The following CALCR variants were observed in gnomAD, a reference collection of about 807,000 sequenced individuals.
The protein encoded by CALCR is calcitonin receptor.
A neutral mutation model predicts 59.5 loss-of-function variants in CALCR; 47 were observed. That is an observed-to-expected ratio of 0.79 (90% CI 0.63 to 1.01). CALCR has a LOEUF of 1.01. Ranked by LOEUF, CALCR falls within the 50% of genes least tolerant of loss-of-function variation. The probability of loss-of-function intolerance (pLI) is 0.00; values close to 1 mark genes in which losing one functional copy is unlikely to be tolerated. For synonymous variants in CALCR, 213 were observed against 211.3 expected (o/e 1.01, Z -0.07); for missense variants, 566 against 597.1 (o/e 0.95, Z 0.54).
chr7:93,488,582 G>GAAAAAAA (rs1554401502), intron 2 of CALCR, among the ~76,000 whole-genome samples: 42 of 78,010 alleles, frequency 5.4e-4, no homozygotes, highest in African/African-American at 1.6e-3. Flanking sequence ...CAAATGGAAA[G>GAAAAAAA]AAAAAAAAAA....
intron 2 of CALCR, among the ~76,000 whole-genome samples, chr7:93,554,232 T>C (rs1789535630): frequency 6.6e-6 from 1 of 152,240 alleles, no homozygotes; most frequent in South Asian, 2.1e-4. Flanking sequence ...AAAATTAGTG[T>C]ATAAAATATG....
At chr7:93,497,703 GAGA>G (rs1801239556) in intron 2 of CALCR, among the ~76,000 whole-genome samples, 1 of 151,534 alleles carries the variant, frequency 6.6e-6, no homozygotes, top group Non-Finnish European at 1.5e-5. Flanking sequence ...TATAAATGAG[GAGA>G]AGATCTAACA....
intron 8 of CALCR, among the ~76,000 whole-genome samples, chr7:93,460,593 G>GTATATATATATATATATA (rs368578654): frequency 1.1e-5 from 1 of 89,354 alleles, no homozygotes; most frequent in African/African-American, 5.3e-5. Flanking sequence ...ATATATATAT[G>GTATATATATATATATATA]TATATATATA....
intron 2 of CALCR, among the ~76,000 whole-genome samples, chr7:93,557,941 T>G (rs891974334): frequency 6.6e-6 from 1 of 152,130 alleles, no homozygotes; most frequent in Middle Eastern, 3.4e-3. Context: ...AGCAAGACCC[T>G]AACTCTTTTT....
At position 93,544,001 on chromosome 7, in the gene CALCR, AC is replaced by A. The variant is rs148883926; in HGVS notation, c.-27+30287del. 4.6e-3 allele frequency among the ~76,000 whole-genome samples: 696 copies of A among 152,250 alleles called. 4 individuals are homozygous for A. Among genetic ancestry groups the A allele is most frequent in the African/African-American group, 0.016 (657 of 41,552 alleles). On this transcript the variant is annotated intron_variant, in intron 2 of 13. Transcript: ENST00000426151. Reference sequence around the variant, plus strand: ...AAGTAAACAAGACATAAACTGCTTAACATACAAACAAAATAAAAAAGCAGAA... The same window carrying A: ...AAGTAAACAAGACATAAACTGCTTAAATACAAACAAAATAAAAAAGCAGAA...
intron 13 of CALCR, among the ~76,000 whole-genome samples, chr7:93,429,239 T>C (rs555288405): frequency 6.6e-5 from 10 of 152,200 alleles, no homozygotes; most frequent in Non-Finnish European, 1.0e-4. Flanking sequence ...TAAGGGCAAT[T>C]ATCTCCTACA....
chr7:93,499,569 A>G (rs1316247878), intron 2 of CALCR, among the ~76,000 whole-genome samples: 1 of 151,836 alleles, frequency 6.6e-6, no homozygotes, highest in Non-Finnish European at 1.5e-5. Flanking sequence ...TAGCAGAAAA[A>G]GCTGCAGTAA....
At chr7:93,475,619 G>A (rs1800650941) in intron 5 of CALCR, among the ~76,000 whole-genome samples, 1 of 151,652 alleles carries the variant, frequency 6.6e-6, no homozygotes, top group Non-Finnish European at 1.5e-5. Flanking sequence ...TATATTGTAT[G>A]CAGAGAGATA....
intron 2 of CALCR, among the ~76,000 whole-genome samples, chr7:93,556,623 A>T (rs1173837805): frequency 6.6e-6 from 1 of 152,050 alleles, no homozygotes; most frequent in Non-Finnish European, 1.5e-5. Flanking sequence ...GCACATAGGC[A>T]TGTGTAGAAT....
At chr7:93,441,013 T>G (rs916543749) in intron 9 of CALCR, among the ~76,000 whole-genome samples, 1 of 152,136 alleles carries the variant, frequency 6.6e-6, no homozygotes, top group Non-Finnish European at 1.5e-5. Context: ...CTTGTTCCTT[T>G]TTTCCTTTGA....
chr7:93,483,438 TAGATAGATAGATAGATAGACAGAC>T (rs1800848716), intron 3 of CALCR, among the ~76,000 whole-genome samples: 1 of 138,814 alleles, frequency 7.2e-6, no homozygotes, highest in South Asian at 2.2e-4. Flanking sequence ...GATAGATAGA[TAGATAGATAGATAGATAGACAGAC>T]AGATAGATAG....
intron 8 of CALCR, among the ~76,000 whole-genome samples, chr7:93,448,158 A>G (rs1198704373): frequency 1.3e-5 from 2 of 152,012 alleles, no homozygotes; most frequent in Non-Finnish European, 2.9e-5. Context: ...TTCTCATGAT[A>G]CATTTCGTGT....
chr7:93,512,017 A>T (rs1334554457), intron 2 of CALCR, among the ~76,000 whole-genome samples: 1 of 152,142 alleles, frequency 6.6e-6, no homozygotes, highest in Non-Finnish European at 1.5e-5. Flanking sequence ...AATTTCCTCC[A>T]GTTGGAATAC....
intron 8 of CALCR, among the ~76,000 whole-genome samples, chr7:93,447,283 A>G (rs1475804216): frequency 6.6e-6 from 1 of 152,046 alleles, no homozygotes; most frequent in East Asian, 1.9e-4. Flanking sequence ...TCAAAACTTC[A>G]TAGAAGATAG....
intron 13 of CALCR, among the ~76,000 whole-genome samples, chr7:93,428,040 C>T (rs901044234): frequency 6.6e-6 from 1 of 152,068 alleles, no homozygotes; most frequent in Non-Finnish European, 1.5e-5. Flanking sequence ...TGAGTGCTTG[C>T]ATGAAGGGTA....
chr7:93,554,352 A>G (rs147971276), intron 2 of CALCR, among the ~76,000 whole-genome samples: 147 of 152,286 alleles, frequency 9.7e-4, no homozygotes, highest in Middle Eastern at 3.4e-3. Flanking sequence ...AACACTTGCT[A>G]GAATATATCT....
At chr7:93,573,232 C>G (rs1463682130) in intron 2 of CALCR, among the ~76,000 whole-genome samples, 2 of 152,146 alleles carry the variant, frequency 1.3e-5, no homozygotes, top group Admixed American at 1.3e-4. Context: ...CCTACTTTGT[C>G]CTTAATGGTA....
intron 2 of CALCR, among the ~76,000 whole-genome samples, chr7:93,558,814 G>A (rs1282390648): frequency 3.3e-5 from 5 of 152,004 alleles, no homozygotes; most frequent in African/African-American, 4.8e-5. Flanking sequence ...ATGAGATCCC[G>A]GGGAAGGAAT....
intron 7 of CALCR, among the ~76,000 whole-genome samples, chr7:93,463,241 T>C (rs2078989): frequency 0.59 from 89,679 of 151,444 alleles, 28,216 homozygotes; most frequent in African/African-American, 0.82. Flanking sequence ...TATATGCATA[T>C]AAACAGTATA....
Sources: gnomAD v4.1 joint callset for allele counts (sites outside exome capture counted in the v4.1 genomes callset) on GRCh38, gnomAD v4.1.1 for gene constraint, MANE v1.5 for transcripts, NCBI Gene and HGNC (gene_info 2026-07-23, HGNC 2026-07-21) for gene names.